The following CSGALNACT1 variants were observed in gnomAD, a reference collection of about 807,000 sequenced individuals.
CSGALNACT1 encodes the protein beta4GalNAcT-1.
In CSGALNACT1, 52 loss-of-function variants were observed where a neutral mutation model predicts 51.0. The observed-to-expected ratio is 1.02, with a 90% confidence interval of 0.82 to 1.29. The LOEUF is 1.29. CSGALNACT1 is among the 50% of genes most tolerant of loss of function. The pLI, the probability that CSGALNACT1 is intolerant of heterozygous loss-of-function variation, is 0.00. For synonymous variants in CSGALNACT1, 341 were observed against 254.4 expected, an observed-to-expected ratio of 1.34 and a Z score of -3.24; for missense variants, 935 against 679.2, an observed-to-expected ratio of 1.38 and a Z score of -4.19.
chr8:19,756,874 G>T (rs998158037), intron 1 of CSGALNACT1, among the ~76,000 whole-genome samples: 2 of 152,026 alleles, frequency 1.3e-5, no homozygotes, highest in Non-Finnish European at 2.9e-5. Context: ...AAGCCAAACC[G>T]ACCCCGGGAG....
At chr8:19,438,238 A>G (rs575338307) in intron 6 of CSGALNACT1, among the ~76,000 whole-genome samples, 1 of 152,274 alleles carries the variant, frequency 6.6e-6, no homozygotes, top group East Asian at 1.9e-4. Context: ...AGCAGCCCCC[A>G]GGTGGACTAC....
chr8:19,481,359 C>T (rs2071349300), intron 4 of CSGALNACT1, among the ~76,000 whole-genome samples: 1 of 152,110 alleles, frequency 6.6e-6, no homozygotes, highest in Admixed American at 6.5e-5. Context: ...TTTCCCAACT[C>T]AGAGTAGAAA....
chr8:19,600,256 A>G (rs2050115991), intron 2 of CSGALNACT1, among the ~76,000 whole-genome samples: 1 of 152,012 alleles, frequency 6.6e-6, no homozygotes, highest in African/African-American at 2.4e-5. Flanking sequence ...TAATTTTTAT[A>G]TTTACAGTAG....
chr8:19,713,751 C>G (rs996614814), intron 1 of CSGALNACT1, among the ~76,000 whole-genome samples: 1 of 152,130 alleles, frequency 6.6e-6, no homozygotes, highest in South Asian at 2.1e-4. Context: ...CCTGAGGACA[C>G]CTTAATTCCA....
chr8:19,558,466 G>T (rs1309820697), intron 3 of CSGALNACT1, among the ~76,000 whole-genome samples: 1 of 152,148 alleles, frequency 6.6e-6, no homozygotes, highest in South Asian at 2.1e-4. Flanking sequence ...TACTATTAGG[G>T]TTTCCAGGAG....
intron 3 of CSGALNACT1, among the ~76,000 whole-genome samples, chr8:19,570,422 T>C (rs1483798107): frequency 6.6e-6 from 1 of 152,158 alleles, no homozygotes; most frequent in East Asian, 1.9e-4. Flanking sequence ...CAGAAGCCAT[T>C]CCAGCTGTCT....
intron 2 of CSGALNACT1, among the ~76,000 whole-genome samples, chr8:19,594,722 T>A (rs1163445706): frequency 6.6e-5 from 10 of 152,192 alleles, no homozygotes; most frequent in East Asian, 5.8e-4. Context: ...TTTTTTTTTT[T>A]TTTATTTTTA....
chr8:19,557,488 C>A (rs562598147), intron 3 of CSGALNACT1, among the ~76,000 whole-genome samples: 8 of 152,320 alleles, frequency 5.3e-5, no homozygotes, highest in African/African-American at 1.9e-4. Context: ...AGCCTCATTT[C>A]CCACCTCAAA....
At chr8:19,711,522 T>C (rs1384164223) in intron 1 of CSGALNACT1, among the ~76,000 whole-genome samples, 4 of 152,342 alleles carry the variant, frequency 2.6e-5, no homozygotes, top group Admixed American at 1.3e-4. Flanking sequence ...AGCAAACTTA[T>C]ATGGAAGCTT....
At chr8:19,490,479 C>T (rs910389257) in intron 4 of CSGALNACT1, among the ~76,000 whole-genome samples, 2 of 152,198 alleles carry the variant, frequency 1.3e-5, no homozygotes, top group Admixed American at 6.5e-5. Context: ...AAGAAAGCAT[C>T]ATAAGATGCC....
At chr8:19,738,292 CT>C (rs1445595633) in intron 1 of CSGALNACT1, among the ~76,000 whole-genome samples, 2 of 152,160 alleles carry the variant, frequency 1.3e-5, no homozygotes, top group Non-Finnish European at 2.9e-5. Flanking sequence ...TATTATTCTG[CT>C]TTAAAAAGAA....
intron 3 of CSGALNACT1, among the ~76,000 whole-genome samples, chr8:19,550,421 T>G (rs1166352393): frequency 3.9e-5 from 6 of 152,252 alleles, no homozygotes; most frequent in African/African-American, 1.4e-4. Flanking sequence ...CCTCACTGAA[T>G]TTTTAATTTC....
intron 1 of CSGALNACT1, among the ~76,000 whole-genome samples, chr8:19,700,467 T>C (rs934192205): frequency 1.3e-5 from 2 of 152,190 alleles, no homozygotes; most frequent in African/African-American, 4.8e-5. Context: ...GTTTTTATAT[T>C]ATTGACAAAG....
intron 4 of CSGALNACT1, among the ~76,000 whole-genome samples, chr8:19,462,684 C>T (rs976483411): frequency 6.6e-6 from 1 of 152,198 alleles, no homozygotes; most frequent in East Asian, 1.9e-4. Flanking sequence ...ATGCTGCTTT[C>T]TGTCTTCCAC....
intron 3 of CSGALNACT1, among the ~76,000 whole-genome samples, chr8:19,562,543 C>A (rs1314547389): frequency 6.7e-6 from 1 of 149,352 alleles, no homozygotes; most frequent in Non-Finnish European, 1.5e-5. Context: ...GGGAAAAATT[C>A]TGCAACTTAT....
At chr8:19,616,660 G>C (rs981604191) in intron 1 of CSGALNACT1, among the ~76,000 whole-genome samples, 1 of 151,932 alleles carries the variant, frequency 6.6e-6, no homozygotes, top group Non-Finnish European at 1.5e-5. Flanking sequence ...TTGTTTAAAA[G>C]TGTGTGGTAC....
chr8:19,555,333 G>A (rs2089455815), intron 3 of CSGALNACT1, among the ~76,000 whole-genome samples: 1 of 152,142 alleles, frequency 6.6e-6, no homozygotes, highest in Non-Finnish European at 1.5e-5. Flanking sequence ...ATCAAATGGA[G>A]GCAACTGCCT....
chr8:19,729,537 G>T (rs914496821), intron 1 of CSGALNACT1, among the ~76,000 whole-genome samples: 16 of 152,162 alleles, frequency 1.1e-4, no homozygotes, highest in Non-Finnish European at 1.5e-5. Context: ...CTGTAGAGAG[G>T]TTTCAAGGAT....
chr8:19,640,218 T>C (rs1028171742), intron 1 of CSGALNACT1, among the ~76,000 whole-genome samples: 2 of 152,236 alleles, frequency 1.3e-5, no homozygotes, highest in African/African-American at 4.8e-5. Flanking sequence ...CAGCCACACA[T>C]CAGTGTAATA....
Sources: allele counts gnomAD v4.1 joint callset (sites outside exome capture counted in the v4.1 genomes callset), GRCh38; gene constraint gnomAD v4.1.1; transcripts MANE v1.5; gene names NCBI Gene and HGNC (gene_info 2026-07-23, HGNC 2026-07-21).